RIT2: variants seen among roughly 807,000 people sequenced by gnomAD.
The protein encoded by RIT2 is Ras like without CAAX 2, also known as GTP-binding protein Rit2.
Under a neutral mutation model 23.7 loss-of-function variants are expected in RIT2, and 24 were observed. The ratio of observed to expected loss-of-function variants is 1.01; its 90% CI spans 0.73 to 1.43. RIT2 has a LOEUF of 1.43. RIT2 is among the 40% of genes most tolerant of loss of function. The probability of loss-of-function intolerance (pLI) is 0.00; values close to 1 mark genes in which losing one functional copy is unlikely to be tolerated. For synonymous variants in RIT2, 107 were observed against 91.1 expected, an observed-to-expected ratio of 1.17 and a Z score of -0.99; for missense variants, 236 against 266.9, an observed-to-expected ratio of 0.88 and a Z score of 0.81.
At chr18:42,887,007 C>T (rs1908040129) in intron 4 of RIT2, among the ~76,000 whole-genome samples, 1 of 151,984 alleles carries the variant, frequency 6.6e-6, no homozygotes, top group South Asian at 2.1e-4. Flanking sequence ...AAGCCAAGGT[C>T]CCCCAAAATT....
chr18:42,778,640 T>C (rs1457227306), intron 4 of RIT2, among the ~76,000 whole-genome samples: 1 of 152,158 alleles, frequency 6.6e-6, no homozygotes, highest in Non-Finnish European at 1.5e-5. Flanking sequence ...CCAGCAACTC[T>C]GCAGTCACCA....
chr18:42,814,871 C>T (rs971846188), intron 4 of RIT2, among the ~76,000 whole-genome samples: 9 of 152,148 alleles, frequency 5.9e-5, no homozygotes, highest in African/African-American at 1.9e-4. Context: ...ACCCCCAGTA[C>T]CAGCCTGGAG....
chr18:42,816,813 G>T (rs2143985816), intron 4 of RIT2, among the ~76,000 whole-genome samples: 1 of 152,250 alleles, frequency 6.6e-6, no homozygotes, highest in Middle Eastern at 3.4e-3. Flanking sequence ...GATTTAGCTA[G>T]GAGGAGAGGG....
At chr18:43,097,571 C>T (rs1210222526) in intron 1 of RIT2, among the ~76,000 whole-genome samples, 1 of 151,792 alleles carries the variant, frequency 6.6e-6, no homozygotes, top group African/African-American at 2.4e-5. Context: ...CATATAGAGA[C>T]ATAAGGTATA....
chr18:42,834,919 T>C (rs1423103657), intron 4 of RIT2, among the ~76,000 whole-genome samples: 1 of 152,136 alleles, frequency 6.6e-6, no homozygotes, highest in Non-Finnish European at 1.5e-5. Flanking sequence ...ACAGACATGA[T>C]TGTTAAACAA....
At chr18:43,095,716 T>C (rs1452321190) in intron 1 of RIT2, among the ~76,000 whole-genome samples, 1 of 152,010 alleles carries the variant, frequency 6.6e-6, no homozygotes, top group Non-Finnish European at 1.5e-5. Context: ...ATAACTGCAC[T>C]CGCTGATTTG....
At chr18:42,993,792 C>G (rs1251688378) in intron 2 of RIT2, among the ~76,000 whole-genome samples, 2 of 152,042 alleles carry the variant, frequency 1.3e-5, no homozygotes, top group East Asian at 3.9e-4. Flanking sequence ...ACCTCTGCTC[C>G]CTCCTTGGCG....
At chr18:42,920,935 G>A (rs1036771224) in intron 4 of RIT2, among the ~76,000 whole-genome samples, 1 of 151,194 alleles carries the variant, frequency 6.6e-6, no homozygotes, top group African/African-American at 2.4e-5. Flanking sequence ...TTTTTCTTTT[G>A]AGTCTGCTTT....
chr18:42,989,992 G>A (rs999343897), intron 2 of RIT2, among the ~76,000 whole-genome samples: 11 of 141,812 alleles, frequency 7.8e-5, no homozygotes, highest in East Asian at 6.5e-4. Flanking sequence ...TATATTACAC[G>A]TTCTGTATTT....
At chr18:42,809,008 AT>A (rs759376985) in intron 4 of RIT2, among the ~76,000 whole-genome samples, 3 of 152,142 alleles carry the variant, frequency 2.0e-5, no homozygotes, top group African/African-American at 4.8e-5. Flanking sequence ...ATTGGGTGAA[AT>A]TTTGGATTCA....
intron 4 of RIT2, among the ~76,000 whole-genome samples, chr18:42,830,260 C>T (rs1906419095): frequency 6.6e-6 from 1 of 152,176 alleles, no homozygotes; most frequent in Non-Finnish European, 1.5e-5. Flanking sequence ...GCCAAAGGTG[C>T]AGTTTCTGGG....
chr18:43,053,919 C>T (rs1180929977), intron 1 of RIT2, among the ~76,000 whole-genome samples: 1 of 152,060 alleles, frequency 6.6e-6, no homozygotes, highest in Non-Finnish European at 1.5e-5. Context: ...TTGCTTTAAT[C>T]ATACTTGCCT....
intron 4 of RIT2, among the ~76,000 whole-genome samples, chr18:42,851,125 CT>C (rs898669525): frequency 1.3e-5 from 2 of 152,156 alleles, no homozygotes. Flanking sequence ...ATTGGTGCCA[CT>C]TTTTAATTCA....
In RIT2 at chr18:42,884,983, T is replaced by G. The variant is rs561462477; in HGVS notation, c.426+38589A>C. Among the ~76,000 whole-genome samples, 5 of 152,352 alleles carry G rather than the reference T, an allele frequency of 3.3e-5. No individual in the cohort carries two copies. The East Asian group carries it at 9.7e-4, about 29-fold the overall frequency. On this transcript the variant is annotated intron_variant, in intron 4 of 4. Transcript: ENST00000326695. ...TTCTACTACAGCTTCCCACTGAAAC[T>G]GTTCTCACCAAGGTTACCAAAGTGA...
intron 4 of RIT2, among the ~76,000 whole-genome samples, chr18:42,835,773 T>A (rs1906585242): frequency 6.6e-6 from 1 of 152,144 alleles, no homozygotes. Context: ...ATTAAACTCT[T>A]TAAAGAGTTA....
chr18:43,013,807 C>T (rs1208287704), intron 2 of RIT2, among the ~76,000 whole-genome samples: 2 of 151,618 alleles, frequency 1.3e-5, no homozygotes, highest in African/African-American at 4.8e-5. Flanking sequence ...AAAAGGAAAA[C>T]TGACTTCCAC....
intron 4 of RIT2, among the ~76,000 whole-genome samples, chr18:42,860,882 G>GA (rs1006823580): frequency 2.1e-4 from 32 of 151,964 alleles, no homozygotes; most frequent in African/African-American, 7.2e-5. Flanking sequence ...TTGTATGAGG[G>GA]AAAAAAAATC....
rs954030576 is a variant in RIT2, at chr18:42,962,704, G to A, written c.234+11370C>T. Reference sequence around the variant, plus strand: ...ATCAAAGATACTTATTAGCTTAGTGGAGGGACTCCATTTAGTTTCAAACCG... The same window carrying A: ...ATCAAAGATACTTATTAGCTTAGTGAAGGGACTCCATTTAGTTTCAAACCG... On this transcript the variant is annotated intron_variant, in intron 3 of 4. Transcript: ENST00000326695. 2.0e-5 allele frequency among the ~76,000 whole-genome samples: 3 copies of A among 152,186 alleles called. No homozygotes were observed. The South Asian group carries it at 6.2e-4, about 32-fold the overall frequency.
intron 1 of RIT2, among the ~76,000 whole-genome samples, chr18:43,073,118 G>C (rs535258952): frequency 2.0e-5 from 3 of 150,422 alleles, no homozygotes; most frequent in African/African-American, 7.3e-5. Context: ...AGGGGCCACA[G>C]TCCAGCTTTC....
Sources: allele counts gnomAD v4.1 joint callset (sites outside exome capture counted in the v4.1 genomes callset), GRCh38; gene constraint gnomAD v4.1.1; transcripts MANE v1.5; gene names NCBI Gene and HGNC (gene_info 2026-07-23, HGNC 2026-07-21).